Variants in MACC1 observed in about 807,000 individuals in gnomAD.
The protein encoded by MACC1 is metastasis-associated in colon cancer protein 1.
A neutral mutation model predicts 70.7 loss-of-function variants in MACC1; 79 were observed. The observed-to-expected ratio is 1.12, with a 90% CI of 0.93 to 1.35. MACC1 has a LOEUF of 1.35. Ranked by LOEUF, MACC1 falls within the 40% of genes most tolerant of loss-of-function variation. MACC1 has a pLI of 0.00. For missense variants in MACC1, 1,106 were observed against 978.1 expected (o/e 1.13, Z -1.74); for synonymous variants, 361 against 347.2 (o/e 1.04, Z -0.44).
At chr7:20,204,359 T>C (rs1424467592) in intron 1 of MACC1, among the ~76,000 whole-genome samples, 1 of 152,196 alleles carries the variant, frequency 6.6e-6, no homozygotes, top group Non-Finnish European at 1.5e-5. Flanking sequence ...TTTCACCGTG[T>C]TAGCCAGGAT....
chr7:20,194,686 T>A (rs982979993), intron 1 of MACC1, among the ~76,000 whole-genome samples: 1 of 152,246 alleles, frequency 6.6e-6, no homozygotes, highest in Non-Finnish European at 1.5e-5. Context: ...GGAAAGGCTG[T>A]CTTTCAACTA....
chr7:20,198,100 A>T (rs961263959), intron 1 of MACC1, among the ~76,000 whole-genome samples: 1 of 152,218 alleles, frequency 6.6e-6, no homozygotes, highest in African/African-American at 2.4e-5. Context: ...AGGGAATGAC[A>T]GGAGGGTCTG....
chr7:20,210,089 A>G (rs1782974253), intron 1 of MACC1, among the ~76,000 whole-genome samples: 1 of 152,172 alleles, frequency 6.6e-6, no homozygotes, highest in Admixed American at 6.5e-5. Flanking sequence ...AGTCTTGGGT[A>G]TTTCTTCATA....
intron 1 of MACC1, among the ~76,000 whole-genome samples, chr7:20,172,936 T>A (rs1427289362): frequency 1.3e-5 from 2 of 152,226 alleles, no homozygotes; most frequent in Non-Finnish European, 2.9e-5. Flanking sequence ...CAGCACCACC[T>A]GGTGCCAGGT....
At chr7:20,206,037 A>G (rs958418449) in intron 1 of MACC1, among the ~76,000 whole-genome samples, 1 of 151,916 alleles carries the variant, frequency 6.6e-6, no homozygotes, top group African/African-American at 2.4e-5. Context: ...AGATGAAAAT[A>G]TTAGAGCCCT....
In MACC1 at chr7:20,203,383, AC is replaced by A. The variant is rs1336464335; in HGVS notation, c.-218+13915del. On this transcript the variant is annotated intron_variant, in intron 1 of 6. Transcript: ENST00000400331. ...GGAAGCTTTGACCCTCCTTTCGAGAACCAGCAAATATTTATTGCTGCTGCTG... is the reference window on the plus strand; with the variant it reads ...GGAAGCTTTGACCCTCCTTTCGAGAACAGCAAATATTTATTGCTGCTGCTG... 2.6e-5 allele frequency among the ~76,000 whole-genome samples: 4 copies of A among 152,282 alleles called. No individual in the cohort carries two copies. In the East Asian group the frequency reaches 7.7e-4, roughly 29 times the overall value.
rs117822987 is a variant in MACC1, at chr7:20,202,219, A to C, written c.-218+15080T>G. Among the ~76,000 whole-genome samples the C allele has an allele frequency of 4.4e-3, 674 of 152,220 alleles. 1 individual carries two copies. Among genetic ancestry groups the C allele is most frequent in the Middle Eastern group, 0.017 (5 of 294 alleles). ...TAGCAATTCATTAATGCTATCTAAAACTTCTTCCATTTGTTCACAGTCTTT... is the reference window on the plus strand; with the variant it reads ...TAGCAATTCATTAATGCTATCTAAACCTTCTTCCATTTGTTCACAGTCTTT... On this transcript the variant is annotated intron_variant, in intron 1 of 6. Transcript: ENST00000400331.
intron 6 of MACC1, among the ~76,000 whole-genome samples, 155 bp from the exon 7 acceptor site, chr7:20,141,313 A>G (rs1781797625): frequency 6.6e-6 from 1 of 152,232 alleles, no homozygotes; most frequent in Admixed American, 6.5e-5. Flanking sequence ...AATATGGTTT[A>G]ATAACTATCA....
chr7:20,209,529 G>A (rs559400672), intron 1 of MACC1, among the ~76,000 whole-genome samples: 11 of 152,364 alleles, frequency 7.2e-5, no homozygotes, highest in African/African-American at 1.9e-4. Context: ...TGGAATGGGT[G>A]TATTTAACCA....
intron 1 of MACC1, among the ~76,000 whole-genome samples, chr7:20,184,692 C>T (rs1487230586): frequency 1.3e-5 from 2 of 152,114 alleles, no homozygotes; most frequent in African/African-American, 4.8e-5. Flanking sequence ...TACCTTTTGT[C>T]TGCCGAAATA....
chr7:20,168,468 C>T (rs545776008), intron 2 of MACC1, among the ~76,000 whole-genome samples: 3 of 152,158 alleles, frequency 2.0e-5, no homozygotes, highest in Non-Finnish European at 2.9e-5. Flanking sequence ...ACAAGCTTCA[C>T]AGTGATCATA....
intron 6 of MACC1, among the ~76,000 whole-genome samples, chr7:20,145,440 C>A (rs1781875524): frequency 6.6e-6 from 1 of 151,506 alleles, no homozygotes; most frequent in Non-Finnish European, 1.5e-5. Flanking sequence ...AGAACCAGAA[C>A]AAGCAGCAGT....
At chr7:20,185,314 G>A (rs990144226) in intron 1 of MACC1, among the ~76,000 whole-genome samples, 27 of 152,168 alleles carry the variant, frequency 1.8e-4, no homozygotes, top group Non-Finnish European at 3.1e-4. Flanking sequence ...CTATCTTCCG[G>A]TATTCAAACA....
intron 1 of MACC1, chr7:20,185,221 T>C (rs1266850356): frequency 6.6e-6 from 1 of 152,222 alleles, no homozygotes; most frequent in African/African-American, 2.4e-5. Flanking sequence ...GAAAGATTGC[T>C]CTTTCAAATT....
At chr7:20,187,551 A>T (rs1034935032) in intron 1 of MACC1, among the ~76,000 whole-genome samples, 5 of 151,992 alleles carry the variant, frequency 3.3e-5, no homozygotes, top group Admixed American at 1.3e-4. Flanking sequence ...ATGCCCCTTT[A>T]CTCCCTAAAC....
rs1781742838 is a variant in MACC1 at position 20,138,112 on chromosome 7, C to T, written c.*2834G>A. On this transcript the variant is annotated 3_prime_UTR_variant, in exon 7 of 7. Coordinates refer to ENST00000400331, the MANE Select transcript of MACC1 (RefSeq NM_182762.4). ...AGGTTGCAGTGAGTCAAGATTGAAA[C>T]ACCGCACTCCAGTCTGGGCAACAGA... 8.0e-6 allele frequency: 1 copy of T among 125,714 alleles called. No individual in the cohort carries two copies. Among genetic ancestry groups the T allele is most frequent in the Non-Finnish European group, 1.6e-5 (1 of 64,134 alleles). 7.8% of individuals were successfully genotyped at this position (125,714 alleles called of 1,614,324 possible).
At chr7:20,212,864 C>T (rs1405386906) in intron 1 of MACC1, among the ~76,000 whole-genome samples, 1 of 152,028 alleles carries the variant, frequency 6.6e-6, no homozygotes, top group Non-Finnish European at 1.5e-5. Context: ...AGTTCTGGCC[C>T]AGGGAGTTTT....
intron 1 of MACC1, among the ~76,000 whole-genome samples, chr7:20,200,170 T>G (rs1337169185): frequency 6.6e-6 from 1 of 151,958 alleles, no homozygotes; most frequent in Non-Finnish European, 1.5e-5. Flanking sequence ...ACAGTTTTAT[T>G]GGGGAAAGGA....
intron 1 of MACC1, among the ~76,000 whole-genome samples, chr7:20,211,296 T>C (rs1782992635): frequency 6.6e-6 from 1 of 152,098 alleles, no homozygotes; most frequent in South Asian, 2.1e-4. Flanking sequence ...AATTAATGTG[T>C]TTGGCATATA....
Sources: gnomAD v4.1 joint callset for allele counts (sites outside exome capture counted in the v4.1 genomes callset) on GRCh38, gnomAD v4.1.1 for gene constraint, MANE v1.5 for transcripts, NCBI Gene and HGNC (gene_info 2026-07-23, HGNC 2026-07-21) for gene names.